Variants in GPD2 observed in about 807,000 individuals in gnomAD.
The protein encoded by GPD2 is glycerol-3-phosphate dehydrogenase 2.
Under a neutral mutation model 82.4 loss-of-function variants are expected in GPD2, and 54 were observed. The observed-to-expected ratio is 0.66, with a 90% CI of 0.53 to 0.82. The LOEUF is 0.82. Among genes scored for constraint, GPD2 ranks in the 40% least tolerant of loss-of-function variants. The probability of loss-of-function intolerance (pLI) is 0.00; values close to 1 mark genes in which losing one functional copy is unlikely to be tolerated. For missense variants in GPD2, 748 were observed against 896.2 expected, an observed-to-expected ratio of 0.83 and a Z score of 2.11; for synonymous variants, 288 against 306.1, an observed-to-expected ratio of 0.94 and a Z score of 0.62.
At position 156,546,270 on chromosome 2, in the gene GPD2, A is replaced by G. The variant is rs1573985990; in HGVS notation, c.662-3338A>G. Among the ~76,000 whole-genome samples, 5 of 152,342 alleles carry G rather than the reference A, an allele frequency of 3.3e-5. No homozygotes were observed. The South Asian group carries it at 1.0e-3, about 32-fold the overall frequency. ...GCCTGGCTCTAAGGAAACAGCTTTGAAAATCTAAACTTAATAAGCAGATCA... is the reference window on the plus strand; with the variant it reads ...GCCTGGCTCTAAGGAAACAGCTTTGGAAATCTAAACTTAATAAGCAGATCA... On this transcript the variant is annotated intron_variant, in intron 6 of 16. Transcript: ENST00000438166.
chr2:156,569,332 C>T, intron 10 of GPD2, 31 bp from the exon 11 acceptor site: 1 of 1,484,580 alleles, frequency 6.7e-7, no homozygotes, highest in Non-Finnish European at 9.4e-7. Flanking sequence ...GGGGTGGCAA[C>T]CTGATGAATT....
At chr2:156,509,082 G>A (rs1397136404) in intron 3 of GPD2, among the ~76,000 whole-genome samples, 2 of 152,068 alleles carry the variant, frequency 1.3e-5, no homozygotes, top group African/African-American at 2.4e-5. Flanking sequence ...TACTAAATTC[G>A]CTAGGCATTG....
intron 3 of GPD2, among the ~76,000 whole-genome samples, chr2:156,510,211 A>G (rs916583849): frequency 9.9e-5 from 15 of 152,054 alleles, no homozygotes; most frequent in African/African-American, 3.6e-4. Context: ...CAATATCAGA[A>G]CTTATTCTCT....
Position 156,568,923 on chromosome 2 carries a change from GT to G in GPD2, c.1266del (p.Asp423IlefsTer10), listed in dbSNP as rs776882973. 1.2e-6 allele frequency: 2 copies of G among 1,610,360 alleles called. No individual in the cohort carries two copies. Among genetic ancestry groups the G allele is most frequent in the Admixed American group, 3.3e-5 (2 of 59,920 alleles). On this transcript the variant is annotated frameshift_variant, in exon 10 of 17. Coordinates refer to ENST00000438166, the MANE Select transcript of GPD2 (RefSeq NM_000408.5). LOFTEE classifies it high-confidence loss of function. ...TCAGTCTATCTCCCGAAATCATGTT[GT>G]TGATATCAGTGAGAGTGGCCTTATT... ...DTQSISRNHVVDISESGLITI... is the reference protein window; with the variant it reads ...DTQSISRNHVXDISESGLITI...
chr2:156,437,113 C>G (rs1681952130), intron 1 of GPD2, among the ~76,000 whole-genome samples: 1 of 152,140 alleles, frequency 6.6e-6, no homozygotes, highest in Non-Finnish European at 1.5e-5. Context: ...CAGAAGAGTT[C>G]CAGAGTAATT....
chr2:156,435,516 C>G (rs1324848595), upstream of GPD2: 6 of 152,274 alleles, frequency 3.9e-5, no homozygotes, highest in South Asian at 2.1e-4. Flanking sequence ...CGCCTCCCCC[C>G]ACCTGTATGA....
intron 6 of GPD2, among the ~76,000 whole-genome samples, chr2:156,513,921 A>AG (rs1685099409): frequency 6.6e-6 from 1 of 152,210 alleles, no homozygotes; most frequent in African/African-American, 2.4e-5. Flanking sequence ...TTATAAACCT[A>AG]GGGGGAAAAA....
At chr2:156,570,299 A>G in intron 12 of GPD2, 81 bp downstream of exon 12, 1 of 1,336,734 alleles carries the variant, frequency 7.5e-7, no homozygotes, top group East Asian at 2.3e-5. Flanking sequence ...TAAAAATTAT[A>G]TGTAGCTAAG....
intron 1 of GPD2, among the ~76,000 whole-genome samples, chr2:156,438,831 G>A (rs1439585414): frequency 6.6e-6 from 1 of 152,226 alleles, no homozygotes; most frequent in Non-Finnish European, 1.5e-5. Context: ...GAAGCTTACA[G>A]TTGTTTAACA....
chr2:156,402,899 C>G, the GPD2 span, among the ~76,000 whole-genome samples: 1 of 151,838 alleles, frequency 6.6e-6, no homozygotes, highest in Non-Finnish European at 1.5e-5. Context: ...TTCAGGGCTT[C>G]TCAAAGTTTT....
At chr2:156,487,716 C>G (rs988228846) in intron 2 of GPD2, among the ~76,000 whole-genome samples, 1 of 152,168 alleles carries the variant, frequency 6.6e-6, no homozygotes, top group African/African-American at 2.4e-5. Context: ...TTTCTTCTTC[C>G]TTCTCTATCT....
chr2:156,422,527 G>A, the GPD2 span, among the ~76,000 whole-genome samples: 25 of 151,844 alleles, frequency 1.6e-4, no homozygotes, highest in Admixed American at 2.0e-4. Flanking sequence ...TCAGGAGATC[G>A]AGACCATCAT....
intron 13 of GPD2, among the ~76,000 whole-genome samples, chr2:156,577,110 A>G (rs1687849482): frequency 6.6e-6 from 1 of 152,180 alleles, no homozygotes; most frequent in Non-Finnish European, 1.5e-5. Context: ...TAATTTTGTT[A>G]TTTAAGAACA....
intron 2 of GPD2, among the ~76,000 whole-genome samples, chr2:156,487,195 G>A (rs1683978292): frequency 6.6e-6 from 1 of 151,618 alleles, no homozygotes; most frequent in Non-Finnish European, 1.5e-5. Context: ...TGTAATCCCA[G>A]CTACTGGGGA....
intron 1 of GPD2, among the ~76,000 whole-genome samples, chr2:156,473,021 G>T (rs1334914517): frequency 6.6e-6 from 1 of 152,052 alleles, no homozygotes; most frequent in Non-Finnish European, 1.5e-5. Context: ...AATAAATGGT[G>T]GTGATTATTA....
chr2:156,563,039 G>A (rs1687232697), intron 9 of GPD2, among the ~76,000 whole-genome samples: 1 of 151,824 alleles, frequency 6.6e-6, no homozygotes, highest in Non-Finnish European at 1.5e-5. Flanking sequence ...CTTTCATCTT[G>A]TTTTATTTAA....
intron 1 of GPD2, among the ~76,000 whole-genome samples, chr2:156,439,713 C>T (rs1261932011): frequency 6.6e-6 from 1 of 150,968 alleles, no homozygotes; most frequent in African/African-American, 2.4e-5. Context: ...CGGGCATGAT[C>T]GTGGGCACCT....
chr2:156,441,985 A>G (rs1682190670), intron 1 of GPD2, among the ~76,000 whole-genome samples: 1 of 152,170 alleles, frequency 6.6e-6, no homozygotes, highest in Non-Finnish European at 1.5e-5. Flanking sequence ...TTACTTATGT[A>G]CTGTATTTTT....
At chr2:156,454,778 G>T (rs562278140) in intron 1 of GPD2, among the ~76,000 whole-genome samples, 46 of 152,218 alleles carry the variant, frequency 3.0e-4, no homozygotes, top group South Asian at 1.2e-3. Context: ...TGTGGAGCAT[G>T]CTAGGGTTAG....
Sources: gnomAD v4.1 joint callset for allele counts (sites outside exome capture counted in the v4.1 genomes callset) on GRCh38, gnomAD v4.1.1 for gene constraint, MANE v1.5 for transcripts, NCBI Gene and HGNC (gene_info 2026-07-23, HGNC 2026-07-21) for gene names.